The following TAS2R1 variants were observed in gnomAD, a reference collection of about 807,000 sequenced individuals.
TAS2R1 encodes the protein taste receptor type 2 member 1.
For missense variants in TAS2R1, 370 were observed against 353.4 expected (o/e 1.05, Z -0.38); for synonymous variants, 141 against 134.2 (o/e 1.05, Z -0.35).
At chr5:9,632,114 A>G (rs1739883574), upstream of TAS2R1, among the ~76,000 whole-genome samples, 1 of 152,232 alleles carries the variant, frequency 6.6e-6, no homozygotes, top group Non-Finnish European at 1.5e-5. Context: ...AATACTGTGC[A>G]TTAAATTCTA....
At chr5:9,697,186 A>T (rs1741378973) in intron 1 of TAS2R1, among the ~76,000 whole-genome samples, 1 of 152,130 alleles carries the variant, frequency 6.6e-6, no homozygotes, top group Non-Finnish European at 1.5e-5. Context: ...TTTAAAAAAA[A>T]AGACAACCTC....
chr5:9,804,513 A>T, the TAS2R1 span, among the ~76,000 whole-genome samples: 5 of 152,178 alleles, frequency 3.3e-5, no homozygotes, highest in Admixed American at 3.3e-4. Context: ...AGTCTCAATA[A>T]ATTTAAGAAT....
At chr5:9,881,815 T>C in the TAS2R1 span, among the ~76,000 whole-genome samples, 3 of 152,052 alleles carry the variant, frequency 2.0e-5, no homozygotes, top group Admixed American at 6.6e-5. Context: ...ATGCAGAAAA[T>C]TGAAACTGGG....
the TAS2R1 span, among the ~76,000 whole-genome samples, chr5:9,827,830 T>C: frequency 1.3e-5 from 2 of 152,212 alleles, no homozygotes; most frequent in Non-Finnish European, 2.9e-5. Context: ...TAAATACCTT[T>C]ATCTGATTAA....
chr5:9,830,780 T>G, the TAS2R1 span, among the ~76,000 whole-genome samples: 2 of 152,344 alleles, frequency 1.3e-5, no homozygotes, highest in Non-Finnish European at 2.9e-5. Context: ...GAGGTCTTCT[T>G]CCTTCTTTCT....
the TAS2R1 span, among the ~76,000 whole-genome samples, chr5:9,863,599 A>C: frequency 6.6e-6 from 1 of 152,088 alleles, no homozygotes; most frequent in Non-Finnish European, 1.5e-5. Context: ...GAGGCTGCAG[A>C]CTTGCTTTTC....
the TAS2R1 span, among the ~76,000 whole-genome samples, chr5:9,856,264 C>A: frequency 6.6e-6 from 1 of 151,992 alleles, no homozygotes; most frequent in East Asian, 1.9e-4. Flanking sequence ...ACTTGCCTAC[C>A]CCGAGAAATT....
At chr5:9,782,040 A>G in the TAS2R1 span, among the ~76,000 whole-genome samples, 1 of 152,220 alleles carries the variant, frequency 6.6e-6, no homozygotes, top group Non-Finnish European at 1.5e-5. Flanking sequence ...CGGGTCCTCA[A>G]TAAATATTTG....
the TAS2R1 span, among the ~76,000 whole-genome samples, chr5:9,748,158 G>C: frequency 9.2e-5 from 14 of 152,226 alleles, no homozygotes; most frequent in Middle Eastern, 3.4e-3. Flanking sequence ...AGCTATTCTA[G>C]CATTTAAACC....
chr5:9,818,208 A>G, the TAS2R1 span, among the ~76,000 whole-genome samples: 2 of 152,204 alleles, frequency 1.3e-5, no homozygotes, highest in African/African-American at 4.8e-5. Context: ...TTTTAAATCA[A>G]ATTGTGTTAT....
chr5:9,900,932 A>G, the TAS2R1 span, among the ~76,000 whole-genome samples: 1 of 152,220 alleles, frequency 6.6e-6, no homozygotes, highest in Non-Finnish European at 1.5e-5. Context: ...GGTTGCATTC[A>G]GCCGCAACAG....
intron 2 of TAS2R1, among the ~76,000 whole-genome samples, chr5:9,658,086 A>T (rs918612991): frequency 3.3e-5 from 5 of 152,122 alleles, no homozygotes; most frequent in Non-Finnish European, 5.9e-5. Flanking sequence ...GGCACATCAG[A>T]GCAATTAAGA....
chr5:9,718,093 G>A, the TAS2R1 span, among the ~76,000 whole-genome samples: 1 of 151,862 alleles, frequency 6.6e-6, no homozygotes, highest in Non-Finnish European at 1.5e-5. Context: ...CTGAGTAGCT[G>A]GGACCACAGG....
the TAS2R1 span, among the ~76,000 whole-genome samples, chr5:9,834,043 T>C: frequency 1.3e-5 from 2 of 152,184 alleles, no homozygotes; most frequent in Non-Finnish European, 2.9e-5. Context: ...AGTACGGAGA[T>C]GGATTCAGCT....
At chr5:9,873,307 G>A in the TAS2R1 span, among the ~76,000 whole-genome samples, 2 of 151,974 alleles carry the variant, frequency 1.3e-5, no homozygotes, top group African/African-American at 4.8e-5. Context: ...AAGGCTCCCT[G>A]TAGAGTTCAT....
chr5:9,735,645 C>A, the TAS2R1 span, among the ~76,000 whole-genome samples: 4 of 152,178 alleles, frequency 2.6e-5, no homozygotes, highest in African/African-American at 4.8e-5. Context: ...CCACACCCCC[C>A]ACCATGGTGA....
chr5:9,871,020 T>A, the TAS2R1 span, among the ~76,000 whole-genome samples: 1 of 152,222 alleles, frequency 6.6e-6, no homozygotes, highest in Non-Finnish European at 1.5e-5. Flanking sequence ...TTTTGTTACA[T>A]AATGCAGGGT....
At chr5:9,868,088 C>T in the TAS2R1 span, among the ~76,000 whole-genome samples, 1 of 152,218 alleles carries the variant, frequency 6.6e-6, no homozygotes, top group Admixed American at 6.5e-5. Flanking sequence ...CTTTCACAGG[C>T]TGGCATTGTT....
At chr5:9,762,721 A>G in the TAS2R1 span, among the ~76,000 whole-genome samples, 1 of 152,270 alleles carries the variant, frequency 6.6e-6, no homozygotes, top group Admixed American at 6.5e-5. Flanking sequence ...CAAAAAGGAA[A>G]GAGTGGCAAA....
Sources: allele counts gnomAD v4.1 joint callset (sites outside exome capture counted in the v4.1 genomes callset), GRCh38; gene constraint gnomAD v4.1.1; transcripts MANE v1.5; gene names NCBI Gene and HGNC (gene_info 2026-07-23, HGNC 2026-07-21).